Variants in LIPT2 observed in about 807,000 individuals in gnomAD.
The protein encoded by LIPT2 is octanoyl-[acyl-carrier-protein]:protein N-octanoyltransferase LIPT2, mitochondrial.
Under a neutral mutation model 16.2 loss-of-function variants are expected in LIPT2, and 16 were observed. The observed-to-expected ratio is 0.99, with a 90% CI of 0.67 to 1.50. The LOEUF (loss-of-function observed/expected upper bound fraction) is 1.50, where lower values mean the gene tolerates loss of function less well. Among genes scored for constraint, LIPT2 ranks in the 40% most tolerant of loss-of-function variants. The pLI, the probability that LIPT2 is intolerant of heterozygous loss-of-function variation, is 0.00. For missense variants in LIPT2, 424 were observed against 347.7 expected, an observed-to-expected ratio of 1.22 and a Z score of -1.75; for synonymous variants, 199 against 169.3, an observed-to-expected ratio of 1.18 and a Z score of -1.36.
In LIPT2 at chr11:74,493,622, G is replaced by C; in HGVS notation, c.82C>G (p.Arg28Gly). The change falls in exon 1 of 2, where the codon CGG becomes GGG. Residue 28 changes from arginine to glycine, a missense_variant. By Grantham distance (125) the Arg-to-Gly change is moderately radical (BLOSUM62 -2). Transcript: ENST00000310109. ...ELLGLQDRWL[R>G]RLQAEPGIEA... ...ATGCCTGGCTCGGCCTGCAGCCGCC[G>C]CAGCCAGCGGTCCTGCAGCCCCAGT... 1 of 1,456,548 alleles carries C rather than the reference G, an allele frequency of 6.9e-7. No homozygotes were observed. The highest frequency in any genetic ancestry group is 2.5e-5 in the Admixed American group (1 of 39,452). The allele number at this position is 1,456,548 out of a possible 1,614,324, so 90.2% of individuals were successfully genotyped here. A position where few individuals can be genotyped will look rare whatever the true frequency, so the allele number is the denominator to read the frequency against.
rs201403683 is a variant in LIPT2 at position 74,493,307 on chromosome 11, G to C, written c.397C>G (p.Gln133Glu). Residue 133 changes from glutamine to glutamate, a missense_variant, in exon 1 of 2, where the codon CAG (glutamine) becomes GAG (glutamate). Physicochemically the swap from Gln to Glu is conservative, Grantham distance 29 (BLOSUM62 2). Coordinates refer to ENST00000310109, the MANE Select transcript of LIPT2 (RefSeq NM_001144869.3). The part of the protein sequence containing the change: ...AVRLCELQGL[Q>E]DARARPPPYT... ...GGCGGGGGCCGCGCGCGGGCGTCCT[G>C]CAGGCCCTGGAGCTCGCACAGGCGC... The C allele has an allele frequency of 9.0e-4, 1,293 of 1,443,078 alleles. 2 individuals are homozygous for C. Among genetic ancestry groups the C allele is most frequent in the Non-Finnish European group, 1.1e-3 (1,256 of 1,100,604 alleles). The allele number at this position is 1,443,078 out of a possible 1,614,324, so 89.4% of individuals were successfully genotyped here.
rs1310427018 is a variant in LIPT2, at chr11:74,491,032, A to C, written c.*1103T>G. ...CAGGGCTCATCTGTTAGAAGACTAC[A>C]GAAATGCCTGTGTGACTTCTGAGGC... On this transcript the variant is annotated 3_prime_UTR_variant, in exon 2 of 2. Transcript: ENST00000310109. Among the ~76,000 whole-genome samples the C allele has an allele frequency of 2.0e-5, 3 of 152,234 alleles. No individual in the cohort carries two copies. Among genetic ancestry groups the C allele is most frequent in the Admixed American group, 2.0e-4 (3 of 15,288 alleles).
In LIPT2 at chr11:74,491,186, G is replaced by C. The variant is rs530065745; in HGVS notation, c.*949C>G. ...AGGGAGGTCCACACGGTAAGGAACT[G>C]AGGCCTCTTGTCAGCAACCATAACC... is the stretch of plus-strand genomic sequence containing the variant. On this transcript the variant is annotated 3_prime_UTR_variant, in exon 2 of 2. Coordinates refer to ENST00000310109, the MANE Select transcript of LIPT2 (RefSeq NM_001144869.3). 6.6e-6 allele frequency among the ~76,000 whole-genome samples: 1 copy of C among 152,214 alleles called. No homozygotes were observed. Among genetic ancestry groups the C allele is most frequent in the African/African-American group, 2.4e-5 (1 of 41,454 alleles).
rs1401480422 is a variant in LIPT2 at position 74,492,374 on chromosome 11, AAGCCAAAGGGTCTTAGAGTAGATACCCTC to A, written c.467-39_467-11del. 1 of 1,541,456 alleles carries A rather than the reference AAGCCAAAGGGTCTTAGAGTAGATACCCTC, an allele frequency of 6.5e-7. No individual in the cohort carries two copies. The stretch of plus-strand genomic sequence containing the variant: ...CTTCCACAGCGGACTCCTGCAAGGC[AAGCCAAAGGGTCTTAGAGTAGATACCCTC>A]CACTCTCCGGGCTTTGGTGTCCCTC... On this transcript the variant is annotated splice_polypyrimidine_tract_variant and intron_variant, in intron 1 of 1. Transcript: ENST00000310109.
In LIPT2 at chr11:74,491,055, G is replaced by A. The variant is rs866288345; in HGVS notation, c.*1080C>T. ...ACAGAAATGCCTGTGTGACTTCTGA[G>A]GCTGGGTCATAAAAAACATTGTGGC... is the stretch of plus-strand genomic sequence containing the variant. On this transcript the variant is annotated 3_prime_UTR_variant, in exon 2 of 2. Transcript: ENST00000310109. Among the ~76,000 whole-genome samples the A allele has an allele frequency of 1.3e-5, 2 of 152,198 alleles. No homozygotes were observed. Among genetic ancestry groups the A allele is most frequent in the Admixed American group, 6.5e-5 (1 of 15,278 alleles).
intron 1 of LIPT2, 27 bp from the exon 2 acceptor site, chr11:74,492,391 A>G: frequency 6.9e-7 from 1 of 1,439,300 alleles, no homozygotes; most frequent in Non-Finnish European, 9.6e-7. Context: ...AGGGTCTTAG[A>G]GTAGATACCC....
intron 1 of LIPT2, among the ~76,000 whole-genome samples, 167 bp from the exon 2 acceptor site, chr11:74,492,531 A>G (rs998531565): frequency 1.8e-5 from 2 of 112,358 alleles, no homozygotes; most frequent in African/African-American, 5.7e-5. Flanking sequence ...AATGAAAGGA[A>G]GGGGTGCGTG....
At position 74,493,345 on chromosome 11, in the gene LIPT2, T is replaced by C; in HGVS notation, c.359A>G (p.Glu120Gly). 1 of 1,502,470 alleles carries C rather than the reference T, an allele frequency of 6.7e-7. No individual in the cohort carries two copies. The highest frequency in any genetic ancestry group is 8.8e-7 in the Non-Finnish European group (1 of 1,132,272). 93.1% of individuals were successfully genotyped at this position (1,502,470 alleles called of 1,614,324 possible). The change falls in exon 1 of 2, where the codon GAG becomes GGG. Residue 120 changes from glutamate (E) to glycine (G), a missense_variant. Coordinates refer to ENST00000310109, the MANE Select transcript of LIPT2 (RefSeq NM_001144869.3). Reference sequence around the variant, plus strand: ...CTCGCACAGGCGCACGGCGCACGCCTCCAGCGACGCTACGTGCATGCGCAA... The same window carrying C: ...CTCGCACAGGCGCACGGCGCACGCCCCCAGCGACGCTACGTGCATGCGCAA... ...LRLRMHVASL[E>G]ACAVRLCELQ...
rs1475808382 is a variant in LIPT2, at chr11:74,491,798, A to G, written c.*337T>C. On this transcript the variant is annotated 3_prime_UTR_variant, in exon 2 of 2. Transcript: ENST00000310109. Reference sequence around the variant, plus strand: ...TTAGACACAGTATTGAGGAAGCAACAATTGAGAAATGACAATCTATGACAT... The same window carrying G: ...TTAGACACAGTATTGAGGAAGCAACGATTGAGAAATGACAATCTATGACAT... 5 of 298,880 alleles carry G rather than the reference A, an allele frequency of 1.7e-5. No individual in the cohort carries two copies. In the East Asian group the frequency reaches 3.9e-4, roughly 23 times the overall value. The allele number at this position is 298,880 out of a possible 1,614,324, so 18.5% of individuals were successfully genotyped here. A position where few individuals can be genotyped will look rare whatever the true frequency, so the allele number is the denominator to read the frequency against.
Position 74,493,671 on chromosome 11 carries a change from C to A in LIPT2, c.33G>T (p.Leu11=), listed in dbSNP as rs1224894641. The A allele has an allele frequency of 1.4e-6, 2 of 1,414,724 alleles. No individual in the cohort carries two copies. Among genetic ancestry groups the A allele is most frequent in the African/African-American group, 1.5e-5 (1 of 66,596 alleles). 87.6% of individuals were successfully genotyped at this position (1,414,724 alleles called of 1,614,324 possible). A position where few individuals can be genotyped will look rare whatever the true frequency, so the allele number is the denominator to read the frequency against. MRQPAVRLVR[L]GRVPYAELLG... ...GTAGCTCGGCGTACGGCACCCGACC[C>A]AGGCGCACCAACCGAACGGCGGGTT... The change falls in exon 1 of 2, where the codon CTG becomes CTT. Residue 11 remains leucine (L), a synonymous_variant. Transcript: ENST00000310109.
At position 74,490,916 on chromosome 11, in the gene LIPT2, C is replaced by T. The variant is rs1864322978; in HGVS notation, c.*1219G>A. Among the ~76,000 whole-genome samples, 2 of 152,186 alleles carry T rather than the reference C, an allele frequency of 1.3e-5. No individual in the cohort carries two copies. The highest frequency in any genetic ancestry group is 2.9e-5 in the Non-Finnish European group (2 of 68,030). Reference sequence around the variant, plus strand: ...CTGACTTCTCATTCGAGGCTCTTTCCACTCTTAATAGGCTGTGGTGGCCAT... The same window carrying T: ...CTGACTTCTCATTCGAGGCTCTTTCTACTCTTAATAGGCTGTGGTGGCCAT... On this transcript the variant is annotated 3_prime_UTR_variant, in exon 2 of 2. Transcript: ENST00000310109.
chr11:74,493,162 G>T (rs1292113876), intron 1 of LIPT2, 76 bp downstream of exon 1: 1 of 1,130,634 alleles, frequency 8.8e-7, no homozygotes, highest in Non-Finnish European at 1.2e-6. Flanking sequence ...CGTTGGTCCA[G>T]CCCCGTCAGA....
intron 1 of LIPT2, 91 bp downstream of exon 1, chr11:74,493,147 A>G: frequency 2.1e-6 from 2 of 946,714 alleles, no homozygotes; most frequent in Non-Finnish European, 2.8e-6. Context: ...CCCGGCCCTC[A>G]CCTCCGTTGG....
Position 74,493,631 on chromosome 11 carries a change from G to C in LIPT2, c.73C>G (p.Arg25Gly), listed in dbSNP as rs1211954083. The C allele has an allele frequency of 6.9e-7, 1 of 1,456,066 alleles. No homozygotes were observed. The highest frequency in any genetic ancestry group is 9.0e-7 in the Non-Finnish European group (1 of 1,110,328). The allele number at this position is 1,456,066 out of a possible 1,614,324, so 90.2% of individuals were successfully genotyped here. A position where few individuals can be genotyped will look rare whatever the true frequency, so the allele number is the denominator to read the frequency against. The change falls in exon 1 of 2, where the codon CGC (arginine) becomes GGC (glycine). Residue 25 changes from arginine to glycine, a missense_variant. Transcript: ENST00000310109. ...TCGGCCTGCAGCCGCCGCAGCCAGC[G>C]GTCCTGCAGCCCCAGTAGCTCGGCG... ...PYAELLGLQD[R>G]WLRRLQAEPG...
rs1864346348 is a variant in LIPT2 at position 74,492,017 on chromosome 11, CCTT to C, written c.*115_*117del. On this transcript the variant is annotated 3_prime_UTR_variant, in exon 2 of 2. Coordinates refer to ENST00000310109, the MANE Select transcript of LIPT2 (RefSeq NM_001144869.3). ...TAGTGGCTCAGAGCTCATGGTATGT[CCTT>C]AGTTTCATGATCAGTGAATGACAGG... 1 of 700,864 alleles carries C rather than the reference CCTT, an allele frequency of 1.4e-6. No individual in the cohort carries two copies. Among genetic ancestry groups the C allele is most frequent in the Admixed American group, 2.3e-5 (1 of 44,336 alleles). 43.4% of individuals were successfully genotyped at this position (700,864 alleles called of 1,614,324 possible). A position where few individuals can be genotyped will look rare whatever the true frequency, so the allele number is the denominator to read the frequency against.
At position 74,492,449 on chromosome 11, in the gene LIPT2, G is replaced by T. The variant is rs979378816; in HGVS notation, c.467-85C>A. 4.6e-5 allele frequency: 39 copies of T among 849,486 alleles called. No individual in the cohort carries two copies. In the African/African-American group the frequency reaches 5.6e-4, roughly 12 times the overall value. 52.6% of individuals were successfully genotyped at this position (849,486 alleles called of 1,614,324 possible). A position where few individuals can be genotyped will look rare whatever the true frequency, so the allele number is the denominator to read the frequency against. ...CCCTCTCAGGGCGATGAGAAAACTG[G>T]ATTAGATCACCGGTTTTCAAATTTT... On this transcript the variant is annotated intron_variant, in intron 1 of 1. Transcript: ENST00000310109.
At position 74,493,312 on chromosome 11, in the gene LIPT2, C is replaced by G. The variant is rs1465115668; in HGVS notation, c.392G>C (p.Gly131Ala). The change falls in exon 1 of 2, where the codon GGC becomes GCC. Residue 131 changes from glycine (G) to alanine (A), a missense_variant. Physicochemically the swap from Gly to Ala is moderately conservative, Grantham distance 60. Transcript: ENST00000310109. ...ACAVRLCELQ[G>A]LQDARARPPP... ...GGGCCGCGCGCGGGCGTCCTGCAGG[C>G]CCTGGAGCTCGCACAGGCGCACGGC... is the stretch of plus-strand genomic sequence containing the variant. 2.3e-5 allele frequency: 33 copies of G among 1,460,900 alleles called. No individual in the cohort carries two copies. Among genetic ancestry groups the G allele is most frequent in the Non-Finnish European group, 3.0e-5 (33 of 1,109,280 alleles). The allele number at this position is 1,460,900 out of a possible 1,614,324, so 90.5% of individuals were successfully genotyped here.
chr11:74,493,671 C>T lies in LIPT2; in HGVS notation c.33G>A (p.Leu11=). The T allele has an allele frequency of 1.4e-6, 2 of 1,414,838 alleles. No individual in the cohort carries two copies. The highest frequency in any genetic ancestry group is 6.1e-5 in the East Asian group (2 of 32,976). The allele number at this position is 1,414,838 out of a possible 1,614,324, so 87.6% of individuals were successfully genotyped here. The change falls in exon 1 of 2, where the codon CTG becomes CTA. Residue 11 remains leucine, a synonymous_variant. Coordinates refer to ENST00000310109, the MANE Select transcript of LIPT2 (RefSeq NM_001144869.3). The stretch of plus-strand genomic sequence containing the variant: ...GTAGCTCGGCGTACGGCACCCGACC[C>T]AGGCGCACCAACCGAACGGCGGGTT... The part of the protein sequence containing the change: MRQPAVRLVR[L]GRVPYAELLG...
At position 74,491,572 on chromosome 11, in the gene LIPT2, A is replaced by G. The variant is rs953011734; in HGVS notation, c.*563T>C. On this transcript the variant is annotated 3_prime_UTR_variant, in exon 2 of 2. Transcript: ENST00000310109. ...CAGGGTAACCCAACTAAAAACTGCTAAATTATCAAACTTGGGGAATCAAAC... is the reference window on the plus strand; with the variant it reads ...CAGGGTAACCCAACTAAAAACTGCTGAATTATCAAACTTGGGGAATCAAAC... 5 of 153,670 alleles carry G rather than the reference A, an allele frequency of 3.3e-5. No individual in the cohort carries two copies. The highest frequency in any genetic ancestry group is 1.2e-4 in the African/African-American group (5 of 41,450). The allele number at this position is 153,670 out of a possible 1,614,324, so 9.5% of individuals were successfully genotyped here.
Sources: allele counts gnomAD v4.1 joint callset (sites outside exome capture counted in the v4.1 genomes callset), GRCh38; gene constraint gnomAD v4.1.1; transcripts MANE v1.5; gene names NCBI Gene and HGNC (gene_info 2026-07-23, HGNC 2026-07-21).